The following DDX42 variants were observed in gnomAD, a reference collection of about 807,000 sequenced individuals.
DDX42 encodes the protein DEAD-box helicase 42, also known as ATP-dependent RNA helicase DDX42.
In DDX42, 22 loss-of-function variants were observed where a neutral mutation model predicts 101.5. The ratio of observed to expected loss-of-function variants is 0.22; its 90% CI spans 0.15 to 0.31. The LOEUF is 0.31. DDX42 is among the 10% of genes least tolerant of loss of function. The pLI is 1.00. For missense variants in DDX42, 849 were observed against 1,199.9 expected, an observed-to-expected ratio of 0.71 and a Z score of 4.32; for synonymous variants, 402 against 401.2, an observed-to-expected ratio of 1.00 and a Z score of -0.02.
chr17:63,818,167 C>T lies in DDX42; in HGVS notation c.2586C>T (p.Asn862=). 1 of 1,613,788 alleles carries T rather than the reference C, an allele frequency of 6.2e-7. No individual in the cohort carries two copies. The highest frequency in any genetic ancestry group is 8.5e-7 in the Non-Finnish European group (1 of 1,180,006). The change falls in exon 18 of 18, where the codon AAC becomes AAT. Residue 862 remains asparagine (N), a synonymous_variant. Coordinates refer to ENST00000389924, the MANE Select transcript of DDX42 (RefSeq NM_203499.3). ...CTGATGGCCATCGGCACGGGGAGAA[C>T]AGACATGGAGGAAGCGCAGGCCGGC... is the stretch of plus-strand genomic sequence containing the variant. ...RHTDGHRHGE[N]RHGGSAGRHG... is the part of the protein sequence containing the mutation.
At chr17:63,799,456 T>C in intron 4 of DDX42, 133 bp from the exon 5 acceptor site, 1 of 867,156 alleles carries the variant, frequency 1.2e-6, no homozygotes, top group Non-Finnish European at 1.8e-6. Context: ...TATAGTGTGC[T>C]CATTGCTGCT....
chr17:63,799,398 G>A lies in DDX42; in HGVS notation c.435-191G>A, dbSNP rs1459553524. The A allele has an allele frequency of 1.1e-5, 5 of 460,204 alleles. No homozygotes were observed. In the South Asian group the frequency reaches 2.1e-4, roughly 19 times the overall value. 28.5% of individuals were successfully genotyped at this position (460,204 alleles called of 1,614,324 possible). A position where few individuals can be genotyped will look rare whatever the true frequency, so the allele number is the denominator to read the frequency against. On this transcript the variant is annotated intron_variant, in intron 4 of 17. Transcript: ENST00000389924. ...ATCCCATTTAAAAGAAATGCAAACT[G>A]CAGATTATAGAGTGCAGCTACACAT...
At chr17:63,791,023 G>C (rs1239261804) in intron 2 of DDX42, among the ~76,000 whole-genome samples, 1 of 152,240 alleles carries the variant, frequency 6.6e-6, no homozygotes, top group East Asian at 1.9e-4. Flanking sequence ...ATGTATGCAT[G>C]TGTGTATATA....
At position 63,813,270 on chromosome 17, in the gene DDX42, A is replaced by G. The variant is rs777927944; in HGVS notation, c.1718A>G (p.Tyr573Cys). The G allele has an allele frequency of 1.2e-6, 2 of 1,613,844 alleles. No individual in the cohort carries two copies. Among genetic ancestry groups the G allele is most frequent in the Non-Finnish European group, 1.7e-6 (2 of 1,179,752 alleles). Residue 573 changes from tyrosine (Y) to cysteine (C), a missense_variant, in exon 15 of 18, where the codon TAT becomes TGT. By Grantham distance (194) the Tyr-to-Cys change is radical. This residue lies in a region of DDX42 where 370 missense variants were observed against 608.8 expected (regional missense o/e 0.61). Coordinates refer to ENST00000389924, the MANE Select transcript of DDX42 (RefSeq NM_203499.3). ...DIPSIKTVIN[Y>C]DVARDIDTHT... Reference sequence around the variant, plus strand: ...CCTTCAATTAAGACTGTCATTAACTATGATGTGGCACGAGACATTGATACC... The same window carrying G: ...CCTTCAATTAAGACTGTCATTAACTGTGATGTGGCACGAGACATTGATACC...
At chr17:63,800,437 GGTGTGATTAT>G in intron 5 of DDX42, 21 bp from the exon 6 acceptor site, 1 of 1,605,934 alleles carries the variant, frequency 6.2e-7, no homozygotes, top group African/African-American at 1.3e-5. Context: ...ATTGTACTTG[GGTGTGATTAT>G]GTTCTTGTGC....
chr17:63,818,029 C>G lies in DDX42; in HGVS notation c.2448C>G (p.Ser816Arg). Residue 816 changes from serine to arginine, a missense_variant, in exon 18 of 18, where the codon AGC (serine) becomes AGG (arginine). Coordinates refer to ENST00000389924, the MANE Select transcript of DDX42 (RefSeq NM_203499.3). ...KRERYTENRGSSRHSHGETGN... is the reference protein window; with the variant it reads ...KRERYTENRGRSRHSHGETGN... ...AGAGATATACTGAGAACCGGGGCAG[C>G]AGCCGTCACAGTCACGGAGAGACTG... is the stretch of plus-strand genomic sequence containing the variant. 2 of 1,614,048 alleles carry G rather than the reference C, an allele frequency of 1.2e-6. No individual in the cohort carries two copies. The highest frequency in any genetic ancestry group is 1.1e-5 in the South Asian group (1 of 91,078).
At chr17:63,808,342 T>C (rs1188840812) in intron 9 of DDX42, among the ~76,000 whole-genome samples, 1 of 152,078 alleles carries the variant, frequency 6.6e-6, no homozygotes, top group Non-Finnish European at 1.5e-5. Context: ...CCTGGCTAAT[T>C]TTTTTATTTT....
rs2039822240 is a variant in DDX42, at chr17:63,805,085, A to G, written c.636A>G (p.Pro212=). 1 of 1,610,554 alleles carries G rather than the reference A, an allele frequency of 6.2e-7. No individual in the cohort carries two copies. The highest frequency in any genetic ancestry group is 8.5e-7 in the Non-Finnish European group (1 of 1,179,276). ...PIDHSEIDYP[P]FEKNFYNEHE... is the part of the protein sequence containing the mutation. ...TGGACCTGCAGATTGACTATCCACC[A>G]TTTGAAAAAAACTTTTACAATGAGC... The change falls in exon 7 of 18, where the codon CCA becomes CCG. Residue 212 remains proline (P), a synonymous_variant. Coordinates refer to ENST00000389924, the MANE Select transcript of DDX42 (RefSeq NM_203499.3).
In DDX42 at chr17:63,774,222, T is replaced by TGGCGGCGGCGGTGGTGGTGGTGGC. The variant is rs58645301; in HGVS notation, c.-159_-136dup. 1.2e-4 allele frequency: 28 copies of TGGCGGCGGCGGTGGTGGTGGTGGC among 234,910 alleles called. 6 individuals carry two copies. In the East Asian group the frequency reaches 2.0e-3, roughly 17 times the overall value. 14.6% of individuals were successfully genotyped at this position (234,910 alleles called of 1,614,324 possible). A position where few individuals can be genotyped will look rare whatever the true frequency, so the allele number is the denominator to read the frequency against. On this transcript the variant is annotated 5_prime_UTR_variant, in exon 1 of 18. Transcript: ENST00000389924. ...CGTGAGGCGGTGGCGGTGGTGGCGG[T>TGGCGGCGGCGGTGGTGGTGGTGGC]GGCGGCGGCGGTGGTGGTGGTGGCG...
At chr17:63,801,334 C>T (rs142069236) in intron 6 of DDX42, among the ~76,000 whole-genome samples, 1,717 of 151,528 alleles carry the variant, frequency 0.011, 28 homozygotes, top group African/African-American at 0.04. Context: ...GGATTACAGG[C>T]GTGAGCCACC....
At chr17:63,793,491 C>CT (rs1169225435) in intron 3 of DDX42, among the ~76,000 whole-genome samples, 1 of 152,130 alleles carries the variant, frequency 6.6e-6, no homozygotes, top group Non-Finnish European at 1.5e-5. Flanking sequence ...TGGTTTTGAA[C>CT]TTCTAGCCTC....
intron 7 of DDX42, chr17:63,805,845 G>A (rs548652697): frequency 1.2e-4 from 19 of 152,304 alleles, no homozygotes; most frequent in African/African-American, 4.3e-4. Flanking sequence ...TGTTTTCCAA[G>A]AGGTTACTCA....
At chr17:63,804,754 C>T (rs146626403) in intron 6 of DDX42, among the ~76,000 whole-genome samples, 270 of 152,074 alleles carry the variant, frequency 1.8e-3, no homozygotes, top group Middle Eastern at 6.8e-3. Context: ...GCTGAGGTGG[C>T]GTGAGAATTG....
chr17:63,801,925 C>T (rs757864316), intron 6 of DDX42, among the ~76,000 whole-genome samples: 2 of 151,336 alleles, frequency 1.3e-5, no homozygotes, highest in East Asian at 1.9e-4. Flanking sequence ...AAATATCAGC[C>T]GAGATCTCAC....
chr17:63,803,375 G>A (rs1447640604), intron 6 of DDX42, among the ~76,000 whole-genome samples: 1 of 151,842 alleles, frequency 6.6e-6, no homozygotes, highest in African/African-American at 2.4e-5. Context: ...GATCACTTGA[G>A]GGCAGGAGTT....
chr17:63,804,642 A>G (rs1306528394), intron 6 of DDX42, among the ~76,000 whole-genome samples: 1 of 152,164 alleles, frequency 6.6e-6, no homozygotes, highest in East Asian at 1.9e-4. Flanking sequence ...GTCTGCTTCA[A>G]TGTTGTTCAA....
intron 2 of DDX42, among the ~76,000 whole-genome samples, chr17:63,790,919 C>T (rs7222060): frequency 0.28 from 42,485 of 152,028 alleles, 6,311 homozygotes; most frequent in Middle Eastern, 0.37. Context: ...GGCGACAGGG[C>T]GAGGCTGTCT....
At chr17:63,791,536 C>T (rs2039627513) in intron 2 of DDX42, among the ~76,000 whole-genome samples, 1 of 152,082 alleles carries the variant, frequency 6.6e-6, no homozygotes, top group Admixed American at 6.6e-5. Flanking sequence ...GTCTCAAACT[C>T]TTGACATCAA....
chr17:63,788,181 A>G (rs1025964435), intron 2 of DDX42, among the ~76,000 whole-genome samples: 1 of 151,818 alleles, frequency 6.6e-6, no homozygotes, highest in African/African-American at 2.4e-5. Flanking sequence ...CTGGGATTAC[A>G]TGCATGAGCT....
Sources: allele counts gnomAD v4.1 joint callset (sites outside exome capture counted in the v4.1 genomes callset), GRCh38; gene constraint gnomAD v4.1.1; regional missense constraint gnomAD v4.1.1; transcripts MANE v1.5; gene names NCBI Gene and HGNC (gene_info 2026-07-23, HGNC 2026-07-21).